Variants in SELENOO observed in about 807,000 individuals in gnomAD.
SELENOO encodes the protein protein adenylyltransferase SelO, mitochondrial.
SELENOO carries 74 observed loss-of-function variants against 58.7 expected under a neutral mutation model. The ratio of observed to expected loss-of-function variants is 1.26; its 90% CI spans 1.04 to 1.53. The LOEUF (loss-of-function observed/expected upper bound fraction) is 1.53, where lower values mean the gene tolerates loss of function less well. Ranked by LOEUF, SELENOO falls within the 40% of genes most tolerant of loss-of-function variation. The probability of loss-of-function intolerance (pLI) is 0.00; values close to 1 mark genes in which losing one functional copy is unlikely to be tolerated. For synonymous variants in SELENOO, 543 were observed against 453.2 expected (o/e 1.20, Z -2.52); for missense variants, 1,149 against 970.0 (o/e 1.18, Z -2.45).
At chr22:50,214,282 C>G (rs1291322600) in intron 5 of SELENOO, among the ~76,000 whole-genome samples, 1 of 152,064 alleles carries the variant, frequency 6.6e-6, no homozygotes, top group South Asian at 2.1e-4. Flanking sequence ...GCTGGGATTA[C>G]AGGGGTGAGC....
At chr22:50,215,281 CAGT>C (rs975455748) in intron 5 of SELENOO, among the ~76,000 whole-genome samples, 1 of 152,086 alleles carries the variant, frequency 6.6e-6, no homozygotes, top group Non-Finnish European at 1.5e-5. Context: ...TCTGCCTTCT[CAGT>C]ATTAGGCCAC....
In SELENOO at chr22:50,210,628, C is replaced by T. The variant is rs748055791; in HGVS notation, c.1071-3C>T. 1 of 1,612,852 alleles carries T rather than the reference C, an allele frequency of 6.2e-7. No homozygotes were observed. The highest frequency in any genetic ancestry group is 8.5e-7 in the Non-Finnish European group (1 of 1,179,826). On this transcript the variant is annotated splice_region_variant and splice_polypyrimidine_tract_variant and intron_variant, in intron 4 of 8. Coordinates refer to ENST00000380903, the MANE Select transcript of SELENOO (RefSeq NM_031454.2). ...GGCGTGGCTCTCTTGCCCCGTGTGG[C>T]AGGTACGACCCCGACCACGTGTGCA...
At chr22:50,206,263 G>C in intron 1 of SELENOO, 54 bp from the exon 2 acceptor site, 2 of 1,497,152 alleles carry the variant, frequency 1.3e-6, no homozygotes, top group Non-Finnish European at 1.9e-6. Flanking sequence ...CGGAATCCTG[G>C]TGTTGGGTGA....
chr22:50,212,416 A>G (rs2064376894), intron 5 of SELENOO, among the ~76,000 whole-genome samples: 2 of 152,152 alleles, frequency 1.3e-5, no homozygotes, highest in South Asian at 2.1e-4. Context: ...TCTTGTAGGT[A>G]ATTTTGGCAT....
intron 6 of SELENOO, among the ~76,000 whole-genome samples, chr22:50,216,369 G>A (rs1465477135): frequency 2.0e-5 from 3 of 152,260 alleles, no homozygotes; most frequent in African/African-American, 7.2e-5. Context: ...GGACCCTTCT[G>A]GAAATGAGGG....
rs750577844 is a variant in SELENOO at position 50,210,654 on chromosome 22, A to G, written c.1094A>G (p.Asn365Ser). The change falls in exon 5 of 9, where the codon AAT becomes AGT. Residue 365 changes from asparagine to serine, a missense_variant. Asn to Ser is a conservative substitution (Grantham distance 46). Coordinates refer to ENST00000380903, the MANE Select transcript of SELENOO (RefSeq NM_031454.2). ...AGGTACGACCCCGACCACGTGTGCA[A>G]TGCCTCCGACAACACCGGCCGCTAC... ...LDRYDPDHVC[N>S]ASDNTGRYAY... The G allele has an allele frequency of 8.7e-6, 14 of 1,612,918 alleles. No homozygotes were observed. Among genetic ancestry groups the G allele is most frequent in the African/African-American group, 1.3e-5 (1 of 75,066 alleles).
rs2064420062 is a variant in SELENOO, at chr22:50,216,982, G to T, written c.1699G>T (p.Asp567Tyr). The change falls in exon 8 of 9, where the codon GAC (aspartate) becomes TAC (tyrosine). Residue 567 changes from aspartate (D) to tyrosine (Y), a missense_variant. By Grantham distance (160) the Asp-to-Tyr change is radical. Transcript: ENST00000380903. The stretch of plus-strand genomic sequence containing the variant: ...CGGATGTCATTCCAGAGCCCGGCTG[G>T]ACAAGGACCTGGAAGGCGCTGGGGA... ...DWLQAYRARL[D>Y]KDLEGAGDAA... is the part of the protein sequence containing the mutation. 1 of 1,609,500 alleles carries T rather than the reference G, an allele frequency of 6.2e-7. No individual in the cohort carries two copies. The highest frequency in any genetic ancestry group is 1.3e-5 in the African/African-American group (1 of 74,914).
In SELENOO at chr22:50,201,146, C is replaced by T; in HGVS notation, c.110C>T (p.Ala37Val). ...CCCCGCTCTACGTTGTCGGGCGCCG[C>T]CATGGAGCCCGCGCCTCGCTGGCTG... ...PAPRSTLSGA[A>V]MEPAPRWLAG... Residue 37 changes from alanine to valine, a missense_variant, in exon 1 of 9, where the codon GCC becomes GTC. Physicochemically the swap from Ala to Val is moderately conservative, Grantham distance 64 (BLOSUM62 0). Transcript: ENST00000380903. 7.8e-7 allele frequency: 1 copy of T among 1,277,868 alleles called. No homozygotes were observed. Among genetic ancestry groups the T allele is most frequent in the South Asian group, 2.5e-5 (1 of 40,282 alleles). The allele number at this position is 1,277,868 out of a possible 1,614,324, so 79.2% of individuals were successfully genotyped here. A position where few individuals can be genotyped will look rare whatever the true frequency, so the allele number is the denominator to read the frequency against.
Position 50,201,336 on chromosome 22 carries a change from G to A in SELENOO, c.300G>A (p.Glu100=). 1 of 1,164,636 alleles carries A rather than the reference G, an allele frequency of 8.6e-7. No individual in the cohort carries two copies. The highest frequency in any genetic ancestry group is 1.1e-6 in the Non-Finnish European group (1 of 946,818). The allele number at this position is 1,164,636 out of a possible 1,614,324, so 72.1% of individuals were successfully genotyped here. Residue 100 remains glutamate (E), a synonymous_variant, in exon 1 of 9, where the codon GAG becomes GAA. Coordinates refer to ENST00000380903, the MANE Select transcript of SELENOO (RefSeq NM_031454.2). ...AGCCGCGCCTCGTGGCGCTGTCAGA[G>A]CCCGCGCTGGCGTTGCTGGGCCTGG... ...LRQPRLVALS[E]PALALLGLGA...
chr22:50,201,832 C>T (rs2064303793), intron 1 of SELENOO, among the ~76,000 whole-genome samples: 1 of 152,254 alleles, frequency 6.6e-6, no homozygotes, highest in African/African-American at 2.4e-5. Context: ...GCTCCAAACC[C>T]AGGGGCGGGA....
In SELENOO at chr22:50,201,491, T is replaced by C; in HGVS notation, c.455T>C (p.Leu152Pro). Residue 152 changes from leucine (L) to proline (P), a missense_variant, in exon 1 of 9, where the codon CTG becomes CCG. Coordinates refer to ENST00000380903, the MANE Select transcript of SELENOO (RefSeq NM_031454.2). ...GHQFGQFAGQLGDGAAMYLGE... is the reference protein window; with the variant it reads ...GHQFGQFAGQPGDGAAMYLGE... ...CAATTCGGCCAGTTCGCCGGGCAGC[T>C]GGGCGACGGCGCCGCCATGTACCTG... The C allele has an allele frequency of 7.0e-7, 1 of 1,425,576 alleles. No individual in the cohort carries two copies. Among genetic ancestry groups the C allele is most frequent in the Non-Finnish European group, 9.2e-7 (1 of 1,087,706 alleles). 88.3% of individuals were successfully genotyped at this position (1,425,576 alleles called of 1,614,324 possible).
chr22:50,215,699 G>T lies in SELENOO; in HGVS notation c.1352-18G>T. 6.3e-7 allele frequency: 1 copy of T among 1,575,190 alleles called. No homozygotes were observed. Among genetic ancestry groups the T allele is most frequent in the South Asian group, 1.1e-5 (1 of 88,506 alleles). ...CTGGGCCTTCTGCTTCCAGCTCCCT[G>T]AGCAGCCTGTGTTCCAGGTGCCGAC... is the stretch of plus-strand genomic sequence containing the variant. On this transcript the variant is annotated intron_variant, in intron 5 of 8. Coordinates refer to ENST00000380903, the MANE Select transcript of SELENOO (RefSeq NM_031454.2).
rs1381695016 is a variant in SELENOO, at chr22:50,215,735, CCTT to C, written c.1373_1375del (p.Phe458del). The C allele has an allele frequency of 6.2e-7, 1 of 1,604,844 alleles. No homozygotes were observed. The highest frequency in any genetic ancestry group is 1.7e-5 in the Admixed American group (1 of 59,584). On this transcript the variant is annotated inframe_deletion, in exon 6 of 9. Coordinates refer to ENST00000380903, the MANE Select transcript of SELENOO (RefSeq NM_031454.2). ...GTTCCAGGTGCCGACTTCACAAACA[CCTT>C]CTACTTGCTGAGCTCCTTCCCAGTG...
Position 50,210,354 on chromosome 22 carries a change from G to T in SELENOO, c.1070+43G>T, listed in dbSNP as rs771083904. On this transcript the variant is annotated intron_variant, in intron 4 of 8. Coordinates refer to ENST00000380903, the MANE Select transcript of SELENOO (RefSeq NM_031454.2). ...CCAGCAAAGTGCAGGCCCCAGGGCT[G>T]GGGGGTGCGGGCTGCATGAAACCTG... 7.2e-5 allele frequency: 114 copies of T among 1,594,102 alleles called. 1 individual carries two copies. The highest frequency in any genetic ancestry group is 1.8e-4 in the Admixed American group (10 of 54,848).
chr22:50,207,408 G>A (rs1334153258), intron 2 of SELENOO, among the ~76,000 whole-genome samples: 1 of 152,046 alleles, frequency 6.6e-6, no homozygotes, highest in Admixed American at 6.5e-5. Context: ...ATAGGCCTGA[G>A]CCACCGCGCC....
rs1025964474 is a variant in SELENOO, at chr22:50,201,213, C to T, written c.177C>T (p.Pro59=). 2.5e-6 allele frequency: 3 copies of T among 1,177,032 alleles called. No homozygotes were observed. The highest frequency in any genetic ancestry group is 3.7e-5 in the East Asian group (1 of 26,918). The allele number at this position is 1,177,032 out of a possible 1,614,324, so 72.9% of individuals were successfully genotyped here. Residue 59 remains proline (P), a synonymous_variant, in exon 1 of 9, where the codon CCC becomes CCT. Coordinates refer to ENST00000380903, the MANE Select transcript of SELENOO (RefSeq NM_031454.2). ...ACAACCGCGCCCTGCGCGCCCTGCCCGTGGAGGCGCCGCCGCCCGGTCCCG... is the reference window on the plus strand; with the variant it reads ...ACAACCGCGCCCTGCGCGCCCTGCCTGTGGAGGCGCCGCCGCCCGGTCCCG... ...RFDNRALRAL[P]VEAPPPGPEG...
Position 50,210,227 on chromosome 22 carries a change from G to T in SELENOO, c.986G>T (p.Gly329Val), listed in dbSNP as rs773383708. 6.2e-7 allele frequency: 1 copy of T among 1,613,410 alleles called. No homozygotes were observed. Among genetic ancestry groups the T allele is most frequent in the South Asian group, 1.1e-5 (1 of 91,088 alleles). ...ATGGTGGCCGAGTGGCAGTGTGTGG[G>T]CTTCTGCCACGGCGTGCTCAACACC... ...ARMVAEWQCV[G>V]FCHGVLNTDN... Residue 329 changes from glycine to valine, a missense_variant, in exon 4 of 9, where the codon GGC (glycine) becomes GTC (valine). By Grantham distance (109) the Gly-to-Val change is moderately radical (BLOSUM62 -3). Transcript: ENST00000380903.
Position 50,217,259 on chromosome 22 carries a change from G to T in SELENOO, c.1900G>T (p.Ala634Ser). The T allele has an allele frequency of 3.7e-6, 6 of 1,611,860 alleles. No homozygotes were observed. The highest frequency in any genetic ancestry group is 5.1e-6 in the Non-Finnish European group (6 of 1,179,514). ...CCCTTACCACTGCGAGGCGGGGGCC[G>T]CCACAGACGCCGAGGCCACGGAAGC... ...ETPYHCEAGA[A>S]TDAEATEADG... Residue 634 changes from alanine (A) to serine (S), a missense_variant, in exon 9 of 9, where the codon GCC (alanine) becomes TCC (serine). Physicochemically the swap from Ala to Ser is moderately conservative, Grantham distance 99 (BLOSUM62 1). Coordinates refer to ENST00000380903, the MANE Select transcript of SELENOO (RefSeq NM_031454.2).
intron 1 of SELENOO, among the ~76,000 whole-genome samples, chr22:50,205,224 A>G (rs905727691): frequency 1.1e-4 from 14 of 123,602 alleles, no homozygotes; most frequent in Non-Finnish European, 2.2e-4. Context: ...ATTTCTGGAC[A>G]TGGATGGGGG....
Sources: allele counts gnomAD v4.1 joint callset (sites outside exome capture counted in the v4.1 genomes callset), GRCh38; gene constraint gnomAD v4.1.1; transcripts MANE v1.5; gene names NCBI Gene and HGNC (gene_info 2026-07-23, HGNC 2026-07-21).